KDM3B: variants seen among roughly 807,000 people sequenced by gnomAD.
The protein encoded by KDM3B is lysine demethylase 3B.
KDM3B carries 10 observed loss-of-function variants against 170.0 expected under a neutral mutation model. That is an observed-to-expected ratio of 0.06 (90% CI 0.04 to 0.10). KDM3B has a LOEUF of 0.10. Ranked by LOEUF, KDM3B falls within the 10% of genes least tolerant of loss-of-function variation. The pLI is 1.00. For synonymous variants in KDM3B, 831 were observed against 834.8 expected, an observed-to-expected ratio of 1.00 and a Z score of 0.08; for missense variants, 1,394 against 2,195.2, an observed-to-expected ratio of 0.64 and a Z score of 7.29.
intron 12 of KDM3B, among the ~76,000 whole-genome samples, chr5:138,416,350 G>A (rs964376481): frequency 2.0e-5 from 3 of 152,126 alleles, no homozygotes; most frequent in South Asian, 2.1e-4. Flanking sequence ...AGCACTTTGG[G>A]AGGTTGAGGC....
chr5:138,381,999 A>G (rs960556036), intron 6 of KDM3B, among the ~76,000 whole-genome samples: 1 of 151,908 alleles, frequency 6.6e-6, no homozygotes, highest in Admixed American at 6.6e-5. Flanking sequence ...GTGAGCTCCA[A>G]CGGAGTCTGA....
chr5:138,417,288 A>G (rs1763129570), intron 12 of KDM3B, among the ~76,000 whole-genome samples, 195 bp from the exon 13 acceptor site: 1 of 152,246 alleles, frequency 6.6e-6, no homozygotes, highest in Non-Finnish European at 1.5e-5. Flanking sequence ...CCCGTTTACC[A>G]GCTTTATGTA....
intron 6 of KDM3B, 73 bp from the exon 7 acceptor site, chr5:138,385,949 G>A: frequency 6.7e-7 from 1 of 1,501,608 alleles, no homozygotes. Context: ...CTAGAGATGG[G>A]AAAGAGCTAA....
intron 1 of KDM3B, among the ~76,000 whole-genome samples, chr5:138,362,886 T>TC (rs1320412172): frequency 6.7e-6 from 1 of 149,412 alleles, no homozygotes; most frequent in Non-Finnish European, 1.5e-5. Context: ...CCCTCCCCTC[T>TC]CCCCCCAATA....
chr5:138,402,074 A>C (rs1049607744), intron 11 of KDM3B, among the ~76,000 whole-genome samples: 2 of 151,972 alleles, frequency 1.3e-5, no homozygotes, highest in African/African-American at 4.8e-5. Flanking sequence ...GACTGCAGGC[A>C]TGTGCTACCG....
intron 1 of KDM3B, among the ~76,000 whole-genome samples, chr5:138,357,879 G>C (rs1477206793): frequency 3.3e-5 from 5 of 151,154 alleles, no homozygotes; most frequent in Admixed American, 3.3e-4. Flanking sequence ...ATGAGATTAG[G>C]TTTCGCCATG....
intron 12 of KDM3B, among the ~76,000 whole-genome samples, chr5:138,416,872 G>A (rs957456923): frequency 2.0e-5 from 3 of 152,108 alleles, no homozygotes; most frequent in African/African-American, 7.2e-5. Context: ...CCAGGCTGGA[G>A]TACAGTGGCA....
At chr5:138,389,082 A>C (rs1474180742) in intron 7 of KDM3B, among the ~76,000 whole-genome samples, 2 of 152,272 alleles carry the variant, frequency 1.3e-5, no homozygotes, top group Non-Finnish European at 2.9e-5. Context: ...CCTTGCAGTC[A>C]TGCAGGTATC....
intron 1 of KDM3B, among the ~76,000 whole-genome samples, chr5:138,366,013 A>G (rs1761736675): frequency 6.6e-6 from 1 of 152,038 alleles, no homozygotes; most frequent in Admixed American, 6.6e-5. Flanking sequence ...TAAATAAATA[A>G]AATCTTTTTA....
intron 1 of KDM3B, among the ~76,000 whole-genome samples, chr5:138,371,606 CATT>C (rs1308329566): frequency 1.3e-5 from 2 of 152,046 alleles, no homozygotes; most frequent in African/African-American, 4.8e-5. Context: ...AAGAAGAAAG[CATT>C]GTTGTGACTA....
At position 138,374,985 on chromosome 5, in the gene KDM3B, A is replaced by G. The variant is rs116041392; in HGVS notation, c.361-108A>G. 1.7e-4 allele frequency: 116 copies of G among 685,452 alleles called. No individual in the cohort carries two copies. In the African/African-American group the frequency reaches 2.0e-3, roughly 12 times the overall value. 42.5% of individuals were successfully genotyped at this position (685,452 alleles called of 1,614,324 possible). A position where few individuals can be genotyped will look rare whatever the true frequency, so the allele number is the denominator to read the frequency against. On this transcript the variant is annotated intron_variant, in intron 2 of 23. Coordinates refer to ENST00000314358, the MANE Select transcript of KDM3B (RefSeq NM_016604.4). The stretch of plus-strand genomic sequence containing the variant: ...CTTATGCTTTAGCTTATCTGTATTT[A>G]CTGGGATGAAAGATATAATAATTAT...
intron 3 of KDM3B, 92 bp downstream of exon 3, chr5:138,375,298 G>T (rs1297602085): frequency 7.8e-6 from 5 of 640,204 alleles, no homozygotes; most frequent in Non-Finnish European, 1.4e-5. Flanking sequence ...CCTTTTACTG[G>T]GTGGGAACAT....
Position 138,384,735 on chromosome 5 carries a change from T to C in KDM3B, c.781-1287T>C, listed in dbSNP as rs373617939. On this transcript the variant is annotated intron_variant, in intron 6 of 23. Coordinates refer to ENST00000314358, the MANE Select transcript of KDM3B (RefSeq NM_016604.4). ...GCCTGCACGACAAGAGCGAAACTCT[T>C]GTCTCAAAAAAAAAAAAAAAAAAAA... 3.5e-3 allele frequency among the ~76,000 whole-genome samples: 457 copies of C among 129,458 alleles called. 7 individuals are homozygous for C. The highest frequency in any genetic ancestry group is 0.013 in the African/African-American group (430 of 33,252). 84.9% of individuals were successfully genotyped at this position (129,458 alleles called of 152,430 possible).
chr5:138,409,502 T>C (rs959652028), intron 11 of KDM3B, among the ~76,000 whole-genome samples: 13 of 152,044 alleles, frequency 8.6e-5, no homozygotes, highest in African/African-American at 3.1e-4. Flanking sequence ...AATCATGAAG[T>C]GCTTAGGGAC....
chr5:138,393,393 C>T, intron 9 of KDM3B, 21 bp downstream of exon 9: 1 of 1,596,714 alleles, frequency 6.3e-7, no homozygotes, highest in Non-Finnish European at 8.6e-7. Flanking sequence ...TCCTGTTTTC[C>T]TCCTTTGCTA....
chr5:138,405,953 A>T (rs1762808586), intron 11 of KDM3B, among the ~76,000 whole-genome samples: 1 of 152,244 alleles, frequency 6.6e-6, no homozygotes, highest in South Asian at 2.1e-4. Flanking sequence ...ACCACTTAAA[A>T]ACAAAGAAAT....
At chr5:138,432,282 GT>G (rs1482070522) in intron 23 of KDM3B, among the ~76,000 whole-genome samples, 1 of 152,212 alleles carries the variant, frequency 6.6e-6, no homozygotes, top group Non-Finnish European at 1.5e-5. Context: ...AGGGATTACA[GT>G]TCATGTCCCT....
In KDM3B at chr5:138,430,305, A is replaced by G; in HGVS notation, c.4950A>G (p.Gln1650=). ...CTGATCATGACCCAATTCATGACCA[A>G]AGTTGGTACCTGGACCAGACCCTCC... ...NPPDHDPIHD[Q]SWYLDQTLRK... is the part of the protein sequence containing the mutation. Residue 1650 remains glutamine (Q), a synonymous_variant, in exon 22 of 24, where the codon CAA becomes CAG. Transcript: ENST00000314358. 6.2e-6 allele frequency: 10 copies of G among 1,614,178 alleles called. No individual in the cohort carries two copies. Among genetic ancestry groups the G allele is most frequent in the Non-Finnish European group, 7.6e-6 (9 of 1,180,016 alleles).
intron 23 of KDM3B, 47 bp downstream of exon 23, chr5:138,431,606 T>G: frequency 6.7e-7 from 1 of 1,484,884 alleles, no homozygotes; most frequent in Non-Finnish European, 9.0e-7. Flanking sequence ...CATTGCATAC[T>G]CACATACATT....
Sources: allele counts gnomAD v4.1 joint callset (sites outside exome capture counted in the v4.1 genomes callset), GRCh38; gene constraint gnomAD v4.1.1; transcripts MANE v1.5; gene names NCBI Gene and HGNC (gene_info 2026-07-23, HGNC 2026-07-21).